UNC13C: variants seen among roughly 807,000 people sequenced by gnomAD.
UNC13C encodes unc-13 homolog C, also known as protein unc-13 homolog C.
A neutral mutation model predicts 245.4 loss-of-function variants in UNC13C; 174 were observed. That is an observed-to-expected ratio of 0.71 (90% CI 0.63 to 0.80). The LOEUF is 0.80. Ranked by LOEUF, UNC13C falls within the 30% of genes least tolerant of loss-of-function variation. UNC13C has a pLI of 0.00. For synonymous variants in UNC13C, 992 were observed against 895.1 expected, an observed-to-expected ratio of 1.11 and a Z score of -1.93; for missense variants, 2,829 against 2,602.9, an observed-to-expected ratio of 1.09 and a Z score of -1.89.
intron 30 of UNC13C, among the ~76,000 whole-genome samples, chr15:54,606,525 A>G (rs940045223): frequency 6.6e-6 from 1 of 152,208 alleles, no homozygotes; most frequent in Non-Finnish European, 1.5e-5. Context: ...GAGCTATGCA[A>G]GTGCATTACA....
intron 4 of UNC13C, among the ~76,000 whole-genome samples, chr15:54,190,859 T>C (rs1050131908): frequency 6.6e-6 from 1 of 152,124 alleles, no homozygotes; most frequent in Non-Finnish European, 1.5e-5. Flanking sequence ...CTTTTTATAA[T>C]CTGTTTTGTT....
At chr15:54,167,515 A>AAAAAG (rs2033214380) in intron 4 of UNC13C, among the ~76,000 whole-genome samples, 2 of 147,168 alleles carry the variant, frequency 1.4e-5, no homozygotes, top group African/African-American at 5.0e-5. Context: ...AAAAAAAAAA[A>AAAAAG]AAAAGAAAAG....
chr15:54,479,126 G>A (rs1474945166), intron 19 of UNC13C, among the ~76,000 whole-genome samples: 1 of 151,996 alleles, frequency 6.6e-6, no homozygotes, highest in Non-Finnish European at 1.5e-5. Context: ...GAATATATAT[G>A]CTGTCCAGTG....
chr15:54,276,537 A>G (rs1457458587), intron 10 of UNC13C, among the ~76,000 whole-genome samples: 2 of 152,136 alleles, frequency 1.3e-5, no homozygotes, highest in Non-Finnish European at 2.9e-5. Context: ...TCTAAAATAC[A>G]GTATCATGTG....
chr15:53,939,812 C>CGA, the UNC13C span, among the ~76,000 whole-genome samples: 3,975 of 150,346 alleles, frequency 0.026, 71 homozygotes, highest in Middle Eastern at 0.062. Context: ...AGAGAAAGGA[C>CGA]GAGAGAGAGA....
At chr15:53,839,377 T>C in the UNC13C span, among the ~76,000 whole-genome samples, 2 of 152,112 alleles carry the variant, frequency 1.3e-5, no homozygotes, top group African/African-American at 4.8e-5. Context: ...CTATATAGAA[T>C]TAGCAATTGA....
intron 22 of UNC13C, among the ~76,000 whole-genome samples, chr15:54,504,270 C>A (rs1301066678): frequency 6.6e-6 from 1 of 152,142 alleles, no homozygotes. Context: ...AAATGACGCA[C>A]ACATATTTAT....
At chr15:53,861,951 T>C in the UNC13C span, among the ~76,000 whole-genome samples, 2 of 152,128 alleles carry the variant, frequency 1.3e-5, no homozygotes, top group Non-Finnish European at 2.9e-5. Context: ...ATGTTGCTAC[T>C]AGCCAGTGTA....
intron 30 of UNC13C, among the ~76,000 whole-genome samples, chr15:54,589,627 T>C (rs1312419298): frequency 6.6e-6 from 1 of 152,104 alleles, no homozygotes; most frequent in African/African-American, 2.4e-5. Context: ...TTGAGAATTG[T>C]CTAGTTATGT....
intron 4 of UNC13C, among the ~76,000 whole-genome samples, chr15:54,156,757 C>T (rs139612922): frequency 2.5e-4 from 36 of 141,446 alleles, no homozygotes; most frequent in African/African-American, 7.3e-4. Context: ...AGAAGCTGGA[C>T]GGTGCCTGCA....
At chr15:54,599,508 C>A (rs889836858) in intron 30 of UNC13C, among the ~76,000 whole-genome samples, 7 of 151,912 alleles carry the variant, frequency 4.6e-5, no homozygotes, top group African/African-American at 1.7e-4. Context: ...AGATCTATTT[C>A]TTTCACTCCA....
chr15:54,587,016 C>G (rs1898528245), intron 30 of UNC13C, among the ~76,000 whole-genome samples: 1 of 152,150 alleles, frequency 6.6e-6, no homozygotes, highest in South Asian at 2.1e-4. Context: ...CATTTAATCA[C>G]CCCTAGATTC....
intron 8 of UNC13C, among the ~76,000 whole-genome samples, chr15:54,255,977 T>C (rs1233437258): frequency 1.3e-5 from 2 of 152,240 alleles, no homozygotes; most frequent in Admixed American, 6.5e-5. Flanking sequence ...AGAGGATGAA[T>C]ATGCTTTGCA....
intron 30 of UNC13C, among the ~76,000 whole-genome samples, chr15:54,603,152 T>A (rs1899536949): frequency 6.6e-6 from 1 of 152,224 alleles, no homozygotes; most frequent in East Asian, 1.9e-4. Flanking sequence ...ACCTGTCTCA[T>A]GGTAAATGTT....
chr15:54,018,302 C>T (rs1478701063), intron 2 of UNC13C, among the ~76,000 whole-genome samples: 2 of 152,166 alleles, frequency 1.3e-5, no homozygotes, highest in African/African-American at 4.8e-5. Flanking sequence ...GTCTTTTCTC[C>T]ATAAGTAACC....
At chr15:54,262,285 T>C (rs547222839) in intron 8 of UNC13C, among the ~76,000 whole-genome samples, 1 of 152,312 alleles carries the variant, frequency 6.6e-6, no homozygotes, top group South Asian at 2.1e-4. Flanking sequence ...ATAGCAAAAA[T>C]AAGAATAGCT....
chr15:54,215,695 G>A (rs1375403051), intron 4 of UNC13C, among the ~76,000 whole-genome samples: 2 of 151,902 alleles, frequency 1.3e-5, no homozygotes, highest in Admixed American at 6.6e-5. Flanking sequence ...TCATGAAGTG[G>A]CATGGAGGGA....
chr15:54,512,837 C>G (rs1894811229), intron 24 of UNC13C, among the ~76,000 whole-genome samples: 1 of 152,052 alleles, frequency 6.6e-6, no homozygotes, highest in African/African-American at 2.4e-5. Context: ...TGGCTCCTTC[C>G]CATGTGATTT....
At chr15:54,440,245 G>A (rs1890443308) in intron 19 of UNC13C, among the ~76,000 whole-genome samples, 1 of 151,924 alleles carries the variant, frequency 6.6e-6, no homozygotes, top group East Asian at 1.9e-4. Flanking sequence ...TAAGTTTCCT[G>A]AGGCCTTCCC....
Sources: allele counts gnomAD v4.1 joint callset (sites outside exome capture counted in the v4.1 genomes callset), GRCh38; gene constraint gnomAD v4.1.1; transcripts MANE v1.5; gene names NCBI Gene and HGNC (gene_info 2026-07-23, HGNC 2026-07-21).